CFAP77: variants seen among roughly 807,000 people sequenced by gnomAD.
CFAP77 encodes cilia and flagella associated protein 77.
A neutral mutation model predicts 31.1 loss-of-function variants in CFAP77; 25 were observed. The ratio of observed to expected loss-of-function variants is 0.80; its 90% CI spans 0.59 to 1.12. The LOEUF (loss-of-function observed/expected upper bound fraction) is 1.12, where lower values mean the gene tolerates loss of function less well. Among genes scored for constraint, CFAP77 ranks in the 50% most tolerant of loss-of-function variants. The pLI is 0.00. For missense variants in CFAP77, 377 were observed against 397.3 expected (o/e 0.95, Z 0.44); for synonymous variants, 151 against 159.9 (o/e 0.94, Z 0.42).
chr9:132,437,396 G>A (rs1026346834), intron 1 of CFAP77, among the ~76,000 whole-genome samples: 1 of 152,150 alleles, frequency 6.6e-6, no homozygotes, highest in Non-Finnish European at 1.5e-5. Context: ...GACGCAGGAC[G>A]TGGCAAGAGG....
Position 132,517,933 on chromosome 9 carries a change from G to A in CFAP77, c.524+18333G>A, listed in dbSNP as rs988084116. Among the ~76,000 whole-genome samples the A allele has an allele frequency of 1.3e-5, 2 of 152,224 alleles. No homozygotes were observed. The highest frequency in any genetic ancestry group is 2.9e-5 in the Non-Finnish European group (2 of 68,046). On this transcript the variant is annotated intron_variant, in intron 3 of 5. Coordinates refer to ENST00000393216, the MANE Select transcript of CFAP77 (RefSeq NM_001282957.2). The surrounding 1 kb of genome is among the most constrained non-coding windows in gnomAD (Gnocchi z 4.7). ...GTTTCTGGGAGGCCTATCCCAAGTA[G>A]GAGCTGATTTCATTTCATTCCCCCT...
chr9:132,498,762 A>T lies in CFAP77; in HGVS notation c.263A>T (p.Tyr88Phe). 6.2e-7 allele frequency: 1 copy of T among 1,611,640 alleles called. No individual in the cohort carries two copies. Among genetic ancestry groups the T allele is most frequent in the Non-Finnish European group, 8.5e-7 (1 of 1,178,788 alleles). Residue 88 changes from tyrosine (Y) to phenylalanine (F), a missense_variant, in exon 2 of 6, where the codon TAC becomes TTC. By Grantham distance (22) the Tyr-to-Phe change is conservative (BLOSUM62 3). Transcript: ENST00000393216. The surrounding 1 kb of genome is among the most constrained non-coding windows in gnomAD (Gnocchi z 4.2). ...GGCATTAATTTTAATTATGGACTCT[A>T]CATCCGAGGGCTTGACGGAGGAGTC... ...LPGINFNYGL[Y>F]IRGLDGGVPE...
At chr9:132,430,858 C>T (rs916746216) in intron 1 of CFAP77, among the ~76,000 whole-genome samples, 9 of 151,894 alleles carry the variant, frequency 5.9e-5, no homozygotes, top group African/African-American at 1.9e-4. Context: ...GCAGATGCAG[C>T]GGGCAGATGA....
At chr9:132,436,673 T>G (rs1166017876) in intron 1 of CFAP77, among the ~76,000 whole-genome samples, 1 of 152,246 alleles carries the variant, frequency 6.6e-6, no homozygotes, top group Non-Finnish European at 1.5e-5. Flanking sequence ...AAGTGATATC[T>G]AGTGGCCATT....
chr9:132,504,980 G>A (rs780674636), intron 3 of CFAP77, among the ~76,000 whole-genome samples: 2 of 152,180 alleles, frequency 1.3e-5, no homozygotes, highest in South Asian at 2.1e-4. Context: ...GATTACACCC[G>A]ACAGAGGAGG....
At chr9:132,486,022 A>ATATATATGTATATGTATGTGTGTGTG (rs1564222980) in intron 1 of CFAP77, among the ~76,000 whole-genome samples, 5 of 25,850 alleles carry the variant, frequency 1.9e-4, no homozygotes, top group African/African-American at 1.6e-3. Context: ...ATATATATAT[A>ATATATATGTATATGTATGTGTGTGTG]TATATATATA....
chr9:132,470,119 G>A (rs145448421), intron 1 of CFAP77, among the ~76,000 whole-genome samples: 126 of 152,180 alleles, frequency 8.3e-4, no homozygotes, highest in Middle Eastern at 3.4e-3. Flanking sequence ...GATTACAGGC[G>A]TGAGCCACCA....
Position 132,499,485 on chromosome 9 carries a change from G to A in CFAP77, c.409G>A (p.Glu137Lys). 1 of 1,614,212 alleles carries A rather than the reference G, an allele frequency of 6.2e-7. No individual in the cohort carries two copies. Among genetic ancestry groups the A allele is most frequent in the South Asian group, 1.1e-5 (1 of 91,076 alleles). ...GAAAGCCGGCCTGGTGACTGCCCGG[G>A]AGAACTTGCTCTACCGTCAGCTCAA... ...AVKAGLVTAR[E>K]NLLYRQLNDI... The change falls in exon 3 of 6, where the codon GAG (glutamate) becomes AAG (lysine). Residue 137 changes from glutamate (E) to lysine (K), a missense_variant. Glu to Lys is a moderately conservative substitution (Grantham distance 56). Coordinates refer to ENST00000393216, the MANE Select transcript of CFAP77 (RefSeq NM_001282957.2). The surrounding 1 kb of genome is among the most constrained non-coding windows in gnomAD (Gnocchi z 5.4).
rs148389180 is a variant in CFAP77, at chr9:132,446,362, C to T, written c.195+35896C>T. On this transcript the variant is annotated intron_variant, in intron 1 of 5. Coordinates refer to ENST00000393216, the MANE Select transcript of CFAP77 (RefSeq NM_001282957.2). ...GCGTGGTCCTGGTTTCTGTTTTCAC[C>T]GAGAACACCAGCTCGAATGAAGCCC... Among the ~76,000 whole-genome samples the T allele has an allele frequency of 7.2e-4, 109 of 152,094 alleles. 1 individual carries two copies. The highest frequency in any genetic ancestry group is 2.5e-3 in the African/African-American group (104 of 41,478).
chr9:132,572,104 C>G (rs1445090695), intron 5 of CFAP77, among the ~76,000 whole-genome samples: 1 of 152,024 alleles, frequency 6.6e-6, no homozygotes, highest in Non-Finnish European at 1.5e-5. Flanking sequence ...GCTACTAGGT[C>G]CCATTGCGTG....
intron 1 of CFAP77, among the ~76,000 whole-genome samples, chr9:132,421,247 C>G (rs1158659938): frequency 1.3e-5 from 2 of 152,000 alleles, no homozygotes; most frequent in East Asian, 1.9e-4. Flanking sequence ...CCGGCTTGGC[C>G]TCCCAAAGTG....
At chr9:132,471,278 A>G (rs539266885) in intron 1 of CFAP77, among the ~76,000 whole-genome samples, 1 of 152,302 alleles carries the variant, frequency 6.6e-6, no homozygotes, top group South Asian at 2.1e-4. Flanking sequence ...AGAAGTTGAG[A>G]AGGTCCCGTA....
Position 132,459,325 on chromosome 9 carries a change from T to C in CFAP77, c.196-39370T>C, listed in dbSNP as rs1489421674. ...TGACCTCGTGATCTGCCCGCCTTGGTCTCCCAAAGTGCTGGGATTACAGGA... is the reference window on the plus strand; with the variant it reads ...TGACCTCGTGATCTGCCCGCCTTGGCCTCCCAAAGTGCTGGGATTACAGGA... On this transcript the variant is annotated intron_variant, in intron 1 of 5. Coordinates refer to ENST00000393216, the MANE Select transcript of CFAP77 (RefSeq NM_001282957.2). 2.6e-5 allele frequency among the ~76,000 whole-genome samples: 4 copies of C among 152,006 alleles called. No individual in the cohort carries two copies. In the East Asian group the frequency reaches 7.7e-4, roughly 29 times the overall value.
intron 3 of CFAP77, among the ~76,000 whole-genome samples, chr9:132,510,221 G>C (rs547580532): frequency 6.6e-6 from 1 of 152,086 alleles, no homozygotes; most frequent in African/African-American, 2.4e-5. Flanking sequence ...GGTTCCCCTC[G>C]GAGCCTCCCA....
intron 1 of CFAP77, among the ~76,000 whole-genome samples, chr9:132,438,541 A>ATATATATATATATATATATTTT: frequency 3.7e-5 from 4 of 108,124 alleles, no homozygotes; most frequent in African/African-American, 1.2e-4. Flanking sequence ...ATATATATAT[A>ATATATATATATATATATATTTT]TTTTTTTTTT....
chr9:132,554,955 T>C lies in CFAP77; in HGVS notation c.732+11908T>C, dbSNP rs905954898. Reference sequence around the variant, plus strand: ...ATCCATCCACCCATCCATCCATCCATCCATCCATCCATCCATCCATCCATC... The same window carrying C: ...ATCCATCCACCCATCCATCCATCCACCCATCCATCCATCCATCCATCCATC... On this transcript the variant is annotated intron_variant, in intron 5 of 5. Coordinates refer to ENST00000393216, the MANE Select transcript of CFAP77 (RefSeq NM_001282957.2). This position sits in a 1 kb window ranked among gnomAD's most constrained non-coding sequence, Gnocchi z 4.1. 8.7e-5 allele frequency among the ~76,000 whole-genome samples: 12 copies of C among 138,360 alleles called. No homozygotes were observed. Among genetic ancestry groups the C allele is most frequent in the Admixed American group, 4.8e-4 (7 of 14,496 alleles). The allele number at this position is 138,360 out of a possible 152,430, so 90.8% of individuals were successfully genotyped here. A position where few individuals can be genotyped will look rare whatever the true frequency, so the allele number is the denominator to read the frequency against.
At position 132,530,257 on chromosome 9, in the gene CFAP77, G is replaced by C. The variant is rs1176740477; in HGVS notation, c.525-7344G>C. Among the ~76,000 whole-genome samples the C allele has an allele frequency of 3.3e-5, 5 of 149,546 alleles. No individual in the cohort carries two copies. In the East Asian group the frequency reaches 7.9e-4, roughly 24 times the overall value. Reference sequence around the variant, plus strand: ...GGGGATTACAGGCCTGAGCCACCGGGCTAGGCTTTGCCAATTTTCTTTTTT... The same window carrying C: ...GGGGATTACAGGCCTGAGCCACCGGCCTAGGCTTTGCCAATTTTCTTTTTT... On this transcript the variant is annotated intron_variant, in intron 3 of 5. Transcript: ENST00000393216.
chr9:132,474,918 T>G (rs60886385), intron 1 of CFAP77, among the ~76,000 whole-genome samples: 4,695 of 152,322 alleles, frequency 0.031, 247 homozygotes, highest in African/African-American at 0.11. Flanking sequence ...AAGCTGCATT[T>G]TAATAAGTCA....
chr9:132,531,626 G>T (rs917078670), intron 3 of CFAP77, among the ~76,000 whole-genome samples: 8 of 98,078 alleles, frequency 8.2e-5, no homozygotes, highest in East Asian at 2.7e-4. Context: ...GCTAAGACAT[G>T]GGGGGGGGGG....
Sources: allele counts gnomAD v4.1 joint callset (sites outside exome capture counted in the v4.1 genomes callset), GRCh38; gene constraint gnomAD v4.1.1; non-coding constraint Gnocchi (gnomAD v3.1); transcripts MANE v1.5; gene names NCBI Gene and HGNC (gene_info 2026-07-23, HGNC 2026-07-21).